The following PAPPA2 variants were observed in gnomAD, a reference collection of about 807,000 sequenced individuals.
PAPPA2 encodes pappalysin-2.
PAPPA2 carries 86 observed loss-of-function variants against 176.4 expected under a neutral mutation model. The observed-to-expected ratio is 0.49, with a 90% CI of 0.41 to 0.58. PAPPA2 has a LOEUF of 0.58. PAPPA2 is among the 20% of genes least tolerant of loss of function. The pLI, the probability that PAPPA2 is intolerant of heterozygous loss-of-function variation, is 0.00. For missense variants in PAPPA2, 2,073 were observed against 2,256.9 expected (o/e 0.92, Z 1.65); for synonymous variants, 809 against 852.2 (o/e 0.95, Z 0.88).
At chr1:176,519,357 T>A (rs10127938) in intron 1 of PAPPA2, among the ~76,000 whole-genome samples, 43,695 of 151,706 alleles carry the variant, frequency 0.29, 7,515 homozygotes, top group African/African-American at 0.47. Flanking sequence ...GACTACAGAG[T>A]CTGAGAATGA....
At chr1:176,536,108 A>G (rs1019124659) in intron 1 of PAPPA2, among the ~76,000 whole-genome samples, 3 of 152,072 alleles carry the variant, frequency 2.0e-5, no homozygotes, top group African/African-American at 7.2e-5. Context: ...GGGTATCTCT[A>G]CTCACAAAAA....
At chr1:176,675,630 G>A (rs925683616) in intron 4 of PAPPA2, among the ~76,000 whole-genome samples, 2 of 152,018 alleles carry the variant, frequency 1.3e-5, no homozygotes, top group Admixed American at 1.3e-4. Context: ...AGAGATCTTA[G>A]GAAACATTTA....
intron 21 of PAPPA2, among the ~76,000 whole-genome samples, chr1:176,824,017 A>C (rs10913259): frequency 6.6e-6 from 1 of 152,134 alleles, no homozygotes; most frequent in South Asian, 2.1e-4. Context: ...TATGTCTGCA[A>C]TAGGATAGTA....
At chr1:176,581,922 C>CTTTTT (rs538920194) in intron 2 of PAPPA2, among the ~76,000 whole-genome samples, 111 of 80,986 alleles carry the variant, frequency 1.4e-3, no homozygotes, top group Non-Finnish European at 2.1e-3. Flanking sequence ...TTCTTTCTTT[C>CTTTTT]TTTTTTTTTT....
chr1:176,740,785 G>C (rs7530769), intron 14 of PAPPA2, among the ~76,000 whole-genome samples: 1 of 152,144 alleles, frequency 6.6e-6, no homozygotes, highest in Non-Finnish European at 1.5e-5. Flanking sequence ...GTGTGCCCAA[G>C]GTTAGGGGAA....
chr1:176,532,487 C>G (rs533005354), intron 1 of PAPPA2, among the ~76,000 whole-genome samples: 3 of 152,280 alleles, frequency 2.0e-5, no homozygotes, highest in African/African-American at 7.2e-5. Context: ...AAATAACACA[C>G]GCAATTTCAT....
At chr1:176,694,095 G>T (rs1297923865) in intron 6 of PAPPA2, among the ~76,000 whole-genome samples, 1 of 152,102 alleles carries the variant, frequency 6.6e-6, no homozygotes, top group Non-Finnish European at 1.5e-5. Context: ...CCAGCAATTT[G>T]TGTCATGCTT....
chr1:176,498,724 T>G (rs1484422285), intron 1 of PAPPA2, among the ~76,000 whole-genome samples: 1 of 145,360 alleles, frequency 6.9e-6, no homozygotes, highest in Non-Finnish European at 1.5e-5. Context: ...CACTCCAGCC[T>G]GGGCGACAGA....
chr1:176,731,785 A>G (rs529623521), intron 12 of PAPPA2, among the ~76,000 whole-genome samples: 13 of 152,006 alleles, frequency 8.6e-5, no homozygotes, highest in Non-Finnish European at 1.3e-4. Context: ...GATTGCCACA[A>G]TCAAGTTTAT....
At chr1:176,735,730 ATCTATCTATCATCTATCTG>A (rs1558551500) in intron 12 of PAPPA2, among the ~76,000 whole-genome samples, 6 of 122,654 alleles carry the variant, frequency 4.9e-5, no homozygotes, top group Admixed American at 2.5e-4. Context: ...CTATCTATCT[ATCTATCTATCATCTATCTG>A]TCTGTCTATC....
chr1:176,787,470 A>G (rs1038818379), intron 17 of PAPPA2, among the ~76,000 whole-genome samples: 1 of 152,202 alleles, frequency 6.6e-6, no homozygotes, highest in South Asian at 2.1e-4. Flanking sequence ...TCCTGACCTC[A>G]AGAGACCTGT....
chr1:176,792,684 A>T (rs952732165), intron 19 of PAPPA2, among the ~76,000 whole-genome samples: 3 of 152,220 alleles, frequency 2.0e-5, no homozygotes, highest in Admixed American at 2.0e-4. Flanking sequence ...CACAATGTGC[A>T]CATGTACCCT....
At chr1:176,810,332 AG>A (rs1267338994) in intron 21 of PAPPA2, among the ~76,000 whole-genome samples, 1 of 152,148 alleles carries the variant, frequency 6.6e-6, no homozygotes, top group African/African-American at 2.4e-5. Context: ...GGAATGGTTT[AG>A]GGGGTCCCAA....
rs774497756 is a variant in PAPPA2 at position 176,739,657 on chromosome 1, C to A, written c.3830C>A (p.Ala1277Glu). 16 of 1,613,462 alleles carry A rather than the reference C, an allele frequency of 9.9e-6. No individual in the cohort carries two copies. The highest frequency in any genetic ancestry group is 2.7e-5 in the African/African-American group (2 of 74,854). Residue 1277 changes from alanine (A) to glutamate (E), a missense_variant, in exon 13 of 23, where the codon GCA (alanine) becomes GAA (glutamate). This residue lies in a region of PAPPA2 where 846 missense variants were observed against 857.9 expected (regional missense o/e 0.99). Transcript: ENST00000367662. ...VCFNRPGEARAIFIFLTTDGL... is the reference protein window; with the variant it reads ...VCFNRPGEAREIFIFLTTDGL... ...TTCAATAGACCAGGAGAGGCCAGAG[C>A]AATTTTTATTTTTTTGACAACTGAT... is the stretch of plus-strand genomic sequence containing the variant.
At position 176,706,426 on chromosome 1, in the gene PAPPA2, C is replaced by T. The variant is rs1660884558; in HGVS notation, c.3433C>T (p.Leu1145=). 2 of 1,613,684 alleles carry T rather than the reference C, an allele frequency of 1.2e-6. No individual in the cohort carries two copies. The highest frequency in any genetic ancestry group is 4.5e-5 in the East Asian group (2 of 44,846). ...SGDGCSKVCE[L]EEGFNCVGEP... ...AGATGGCTGCTCCAAGGTGTGTGAG[C>T]TGGAGGAAGGTTTCAACTGTGTAGG... is the stretch of plus-strand genomic sequence containing the variant. Residue 1145 remains leucine, a synonymous_variant, in exon 10 of 23, where the codon CTG becomes TTG. Transcript: ENST00000367662.
chr1:176,784,475 A>G (rs952203944), intron 17 of PAPPA2, among the ~76,000 whole-genome samples: 2 of 152,154 alleles, frequency 1.3e-5, no homozygotes, highest in South Asian at 2.1e-4. Context: ...AACACCATAG[A>G]TGGGTGGCTT....
In PAPPA2 at chr1:176,595,452, C is replaced by T; in HGVS notation, c.1848C>T (p.Gly616=). ...ATGGGGGTGACTGCCGCCTGCAGGG[C>T]CGCTGCTACTCCTGGAACCGCAGGG... The part of the protein sequence containing the change: ...GYDGGDCRLQ[G]RCYSWNRRDG... The change falls in exon 3 of 23, where the codon GGC becomes GGT. Residue 616 remains glycine, a synonymous_variant. Coordinates refer to ENST00000367662, the MANE Select transcript of PAPPA2 (RefSeq NM_020318.3). 6.2e-7 allele frequency: 1 copy of T among 1,614,216 alleles called. No individual in the cohort carries two copies. Among genetic ancestry groups the T allele is most frequent in the East Asian group, 2.2e-5 (1 of 44,870 alleles).
chr1:176,809,882 C>T (rs1463046841), intron 21 of PAPPA2, among the ~76,000 whole-genome samples: 4 of 151,614 alleles, frequency 2.6e-5, no homozygotes, highest in Non-Finnish European at 4.4e-5. Context: ...TGCATCATGT[C>T]GGACCCTTTC....
chr1:176,495,276 G>A (rs1647539080), intron 1 of PAPPA2, among the ~76,000 whole-genome samples: 7 of 152,096 alleles, frequency 4.6e-5, no homozygotes, highest in Admixed American at 4.6e-4. Flanking sequence ...AAACTTAACA[G>A]CTGCCTGTAA....
Sources: allele counts gnomAD v4.1 joint callset (sites outside exome capture counted in the v4.1 genomes callset), GRCh38; gene constraint gnomAD v4.1.1; regional missense constraint gnomAD v4.1.1; transcripts MANE v1.5; gene names NCBI Gene and HGNC (gene_info 2026-07-23, HGNC 2026-07-21).